Variants in ATP8B1 observed in about 807,000 individuals in gnomAD.
ATP8B1 encodes ATPase phospholipid transporting 8B1.
A neutral mutation model predicts 149.9 loss-of-function variants in ATP8B1; 80 were observed. That is an observed-to-expected ratio of 0.53 (90% CI 0.45 to 0.64). The LOEUF (loss-of-function observed/expected upper bound fraction) is 0.64, where lower values mean the gene tolerates loss of function less well. ATP8B1 is among the 30% of genes least tolerant of loss of function. The probability of loss-of-function intolerance (pLI) is 0.00; values close to 1 mark genes in which losing one functional copy is unlikely to be tolerated. For missense variants in ATP8B1, 1,247 were observed against 1,552.6 expected, an observed-to-expected ratio of 0.80 and a Z score of 3.31; for synonymous variants, 536 against 562.8, an observed-to-expected ratio of 0.95 and a Z score of 0.67.
In ATP8B1 at chr18:57,784,948, GT is replaced by G. The variant is rs1435378788; in HGVS notation, c.-26+18049del. ...GCAAAAGTCACATCTGGTTGACTAA[GT>G]TAAGTATACTTTTACAAAGTCTTTA... On this transcript the variant is annotated intron_variant, in intron 1 of 27. Transcript: ENST00000648908. The surrounding 1 kb of genome is among the most constrained non-coding windows in gnomAD (Gnocchi z 4.4). Among the ~76,000 whole-genome samples the G allele has an allele frequency of 6.6e-5, 10 of 152,198 alleles. No individual in the cohort carries two copies. Among genetic ancestry groups the G allele is most frequent in the Non-Finnish European group, 1.2e-4 (8 of 68,040 alleles).
chr18:57,788,536 C>T (rs1447213350), intron 1 of ATP8B1, among the ~76,000 whole-genome samples: 1 of 147,932 alleles, frequency 6.8e-6, no homozygotes, highest in Non-Finnish European at 1.5e-5. Flanking sequence ...GCCTGGGTGA[C>T]AGAGTGAGAC....
rs972976335 is a variant in ATP8B1 at position 57,750,699 on chromosome 18, C to T, written c.-25-18867G>A. 3.9e-5 allele frequency among the ~76,000 whole-genome samples: 6 copies of T among 152,344 alleles called. No individual in the cohort carries two copies. The East Asian group carries it at 1.2e-3, about 29-fold the overall frequency. ...TCTTTTCCTCCTTCATCTTAACAGA[C>T]GTGTCTACAGTGAATTTGTGTCTTA... On this transcript the variant is annotated intron_variant, in intron 1 of 27. Transcript: ENST00000648908.
chr18:57,764,100 ACT>A (rs1555654735), intron 1 of ATP8B1, among the ~76,000 whole-genome samples: 1 of 152,008 alleles, frequency 6.6e-6, no homozygotes, highest in Non-Finnish European at 1.5e-5. Flanking sequence ...AAGCCCGGTC[ACT>A]CTCGCTTTAG....
Position 57,648,118 on chromosome 18 carries a change from G to A in ATP8B1, c.*370C>T, listed in dbSNP as rs1429593130. The stretch of plus-strand genomic sequence containing the variant: ...TCTTCTGCTTCAGCTTCTCAAATAG[G>A]TGGGATTACGGGTGCCCACCACCAA... On this transcript the variant is annotated 3_prime_UTR_variant, in exon 28 of 28. Transcript: ENST00000648908. 5.5e-6 allele frequency: 2 copies of A among 360,614 alleles called. No homozygotes were observed. Among genetic ancestry groups the A allele is most frequent in the Non-Finnish European group, 1.1e-5 (2 of 186,796 alleles). 22.3% of individuals were successfully genotyped at this position (360,614 alleles called of 1,614,324 possible).
intron 1 of ATP8B1, among the ~76,000 whole-genome samples, chr18:57,789,566 G>A (rs1232163823): frequency 6.6e-6 from 1 of 152,152 alleles, no homozygotes; most frequent in Non-Finnish European, 1.5e-5. Flanking sequence ...GGCCACACAA[G>A]CCAATTTTAA....
chr18:57,780,752 TA>T (rs1207386271), intron 1 of ATP8B1, among the ~76,000 whole-genome samples: 2 of 152,226 alleles, frequency 1.3e-5, no homozygotes, highest in Non-Finnish European at 2.9e-5. Context: ...AAAAAACTTT[TA>T]TTTTTTTCTG....
chr18:57,664,499 A>AAG (rs1910733875), intron 20 of ATP8B1, among the ~76,000 whole-genome samples: 1 of 111,272 alleles, frequency 9.0e-6, no homozygotes. Flanking sequence ...GAGTCTTTCT[A>AAG]AGAAAAAAAA....
At chr18:57,707,330 G>A (rs1031551834) in intron 2 of ATP8B1, among the ~76,000 whole-genome samples, 1 of 152,082 alleles carries the variant, frequency 6.6e-6, no homozygotes, top group Non-Finnish European at 1.5e-5. Context: ...AAAAGAGAAT[G>A]AGGAAGCACC....
At chr18:57,790,734 T>G (rs1203614873) in intron 1 of ATP8B1, among the ~76,000 whole-genome samples, 2 of 152,208 alleles carry the variant, frequency 1.3e-5, no homozygotes, top group Non-Finnish European at 2.9e-5. Context: ...TTTATTTATT[T>G]TTTTGAGACA....
At chr18:57,661,713 ATTTTT>A (rs759201755) in intron 21 of ATP8B1, among the ~76,000 whole-genome samples, 26,930 of 91,728 alleles carry the variant, frequency 0.29, 3,879 homozygotes, top group East Asian at 0.57. Context: ...ATATATATAT[ATTTTT>A]TTTTTTTTTT....
Position 57,659,450 on chromosome 18 carries a change from A to C in ATP8B1, c.2707+1724T>G, listed in dbSNP as rs142391596. On this transcript the variant is annotated intron_variant, in intron 22 of 27. Coordinates refer to ENST00000648908, the MANE Select transcript of ATP8B1 (RefSeq NM_001374385.1). ...TCTAAGTCACATAATCAGTTGATAA[A>C]TCTCCAAAGCAAACCCGTCCCCTCC... 2.0e-3 allele frequency among the ~76,000 whole-genome samples: 311 copies of C among 152,240 alleles called. 1 individual carries two copies. The highest frequency in any genetic ancestry group is 3.5e-3 in the Non-Finnish European group (236 of 68,020).
chr18:57,655,353 A>G lies in ATP8B1; in HGVS notation c.2772T>C (p.Tyr924=), dbSNP rs1909926753. 6.2e-7 allele frequency: 1 copy of G among 1,614,232 alleles called. No homozygotes were observed. Among genetic ancestry groups the G allele is most frequent in the Non-Finnish European group, 8.5e-7 (1 of 1,180,040 alleles). Residue 924 remains tyrosine, a synonymous_variant, in exon 23 of 28, where the codon TAT becomes TAC. Transcript: ENST00000648908. ...GCAGATATCGGAACTGAGCAAAGGA[A>G]TAGTCACTCGACATGACAGCTTGCA... ...EGMQAVMSSD[Y]SFAQFRYLQR...
At chr18:57,667,189 T>G in intron 19 of ATP8B1, 22 bp from the exon 20 acceptor site, 1 of 1,555,770 alleles carries the variant, frequency 6.4e-7, no homozygotes, top group Non-Finnish European at 8.9e-7. Context: ...TAAAATTAAG[T>G]CAAATGTCAT....
intron 1 of ATP8B1, chr18:57,732,097 GTA>G (rs898088830): frequency 8.8e-6 from 2 of 226,860 alleles, no homozygotes; most frequent in African/African-American, 3.2e-5. Context: ...ATATGTATGT[GTA>G]TATATATATG....
At chr18:57,695,120 A>C in intron 10 of ATP8B1, 51 bp downstream of exon 10, 1 of 1,599,868 alleles carries the variant, frequency 6.3e-7, no homozygotes, top group South Asian at 1.1e-5. Context: ...AATCCCCTCT[A>C]AGTCTTTAAA....
At chr18:57,697,738 C>G (rs762024534) in intron 7 of ATP8B1, 50 bp from the exon 8 acceptor site, 1 of 1,612,456 alleles carries the variant, frequency 6.2e-7, no homozygotes, top group Non-Finnish European at 8.5e-7. Context: ...AGGGAAAAGC[C>G]GAGCACAGGG....
At chr18:57,720,987 A>T (rs986695444) in intron 2 of ATP8B1, among the ~76,000 whole-genome samples, 1 of 134,592 alleles carries the variant, frequency 7.4e-6, no homozygotes, top group African/African-American at 2.8e-5. Context: ...TTTCATATCC[A>T]GCCAAACTAA....
At chr18:57,656,635 C>G (rs1316478122) in intron 22 of ATP8B1, among the ~76,000 whole-genome samples, 1 of 151,864 alleles carries the variant, frequency 6.6e-6, no homozygotes, top group Admixed American at 6.6e-5. Flanking sequence ...CCTTGGCCTC[C>G]CAAAGTGCTA....
intron 1 of ATP8B1, among the ~76,000 whole-genome samples, chr18:57,756,382 C>G (rs1205499673): frequency 6.7e-6 from 1 of 149,226 alleles, no homozygotes; most frequent in African/African-American, 2.5e-5. Context: ...CTTACTGCAA[C>G]CTCCGCCTCC....
Sources: gnomAD v4.1 joint callset for allele counts (sites outside exome capture counted in the v4.1 genomes callset) on GRCh38, gnomAD v4.1.1 for gene constraint, Gnocchi (gnomAD v3.1) non-coding constraint, MANE v1.5 for transcripts, NCBI Gene and HGNC (gene_info 2026-07-23, HGNC 2026-07-21) for gene names.